Variants in IL12RB2 observed in about 807,000 individuals in gnomAD.
The protein encoded by IL12RB2 is interleukin-12 receptor subunit beta-2.
IL12RB2 carries 82 observed loss-of-function variants against 89.4 expected under a neutral mutation model. The ratio of observed to expected loss-of-function variants is 0.92; its 90% CI spans 0.77 to 1.10. The LOEUF is 1.10. IL12RB2 is among the 50% of genes least tolerant of loss of function. The pLI, the probability that IL12RB2 is intolerant of heterozygous loss-of-function variation, is 0.00. For missense variants in IL12RB2, 963 were observed against 1,031.9 expected (o/e 0.93, Z 0.92); for synonymous variants, 368 against 370.1 (o/e 0.99, Z 0.07).
intron 14 of IL12RB2, among the ~76,000 whole-genome samples, chr1:67,381,623 G>A (rs938467955): frequency 8.6e-5 from 13 of 152,014 alleles, no homozygotes; most frequent in South Asian, 2.1e-4. Context: ...AAAATTAGCC[G>A]GGCATGGTGG....
At chr1:67,314,404 T>A (rs1353118215) in intron 2 of IL12RB2, among the ~76,000 whole-genome samples, 1 of 152,210 alleles carries the variant, frequency 6.6e-6, no homozygotes, top group African/African-American at 2.4e-5. Context: ...AGTATTCTCA[T>A]GAATCCATGA....
chr1:67,370,021 G>GAAA (rs56153451), intron 11 of IL12RB2, among the ~76,000 whole-genome samples: 5 of 125,488 alleles, frequency 4.0e-5, no homozygotes, highest in Admixed American at 8.1e-5. Flanking sequence ...GACTCCATCT[G>GAAA]AAAAAAAAAA....
intron 11 of IL12RB2, among the ~76,000 whole-genome samples, chr1:67,370,555 T>C (rs568740464): frequency 6.6e-6 from 1 of 152,284 alleles, no homozygotes; most frequent in African/African-American, 2.4e-5. Flanking sequence ...ACCACCTAAG[T>C]GATGGTTTAT....
intron 5 of IL12RB2, 59 bp downstream of exon 5, chr1:67,326,908 A>G: frequency 7.6e-7 from 1 of 1,308,166 alleles, no homozygotes; most frequent in Non-Finnish European, 9.9e-7. Flanking sequence ...AATGACATTT[A>G]GAAATATCTG....
chr1:67,379,176 G>A lies in IL12RB2; in HGVS notation c.1718-810G>A, dbSNP rs944962704. On this transcript the variant is annotated intron_variant, in intron 13 of 16. Coordinates refer to ENST00000674203, the MANE Select transcript of IL12RB2 (RefSeq NM_001374259.2). ...CGTGCCACTGCACTCTAGCCTGGGC[G>A]ACAGAGCAAGACTCCATCTCAAAAA... Among the ~76,000 whole-genome samples the A allele has an allele frequency of 1.5e-4, 23 of 151,856 alleles. 1 individual carries two copies. Among genetic ancestry groups the A allele is most frequent in the African/African-American group, 3.4e-4 (14 of 41,388 alleles).
intron 1 of IL12RB2, among the ~76,000 whole-genome samples, chr1:67,313,226 G>C (rs191121961): frequency 8.5e-6 from 1 of 118,172 alleles, no homozygotes; most frequent in Admixed American, 8.0e-5. Flanking sequence ...CATCAGATAC[G>C]GTTACATATT....
At chr1:67,375,824 AC>A (rs1394136756) in intron 13 of IL12RB2, among the ~76,000 whole-genome samples, 3 of 150,898 alleles carry the variant, frequency 2.0e-5, no homozygotes, top group African/African-American at 7.3e-5. Flanking sequence ...CAGTAGAGCC[AC>A]GGCCAGCACA....
chr1:67,367,787 T>C (rs1469359194), intron 10 of IL12RB2, 38 bp from the exon 11 acceptor site: 1 of 1,186,420 alleles, frequency 8.4e-7, no homozygotes, highest in Non-Finnish European at 1.3e-6. Context: ...ATCCCTCCTC[T>C]TTTTTTATTT....
At position 67,351,172 on chromosome 1, in the gene IL12RB2, C is replaced by T. The variant is rs143440023; in HGVS notation, c.1258+83C>T. 9.3e-4 allele frequency: 1,463 copies of T among 1,565,796 alleles called. 7 individuals are homozygous for T. The highest frequency in any genetic ancestry group is 2.4e-3 in the South Asian group (204 of 85,640). On this transcript the variant is annotated intron_variant, in intron 10 of 16. Coordinates refer to ENST00000674203, the MANE Select transcript of IL12RB2 (RefSeq NM_001374259.2). ...TATCTCCTGCAGGCCCAACCCAGGACCTAAAATGAGTAGCTAGGAGTTCAG... is the reference window on the plus strand; with the variant it reads ...TATCTCCTGCAGGCCCAACCCAGGATCTAAAATGAGTAGCTAGGAGTTCAG...
chr1:67,358,796 TA>T (rs1041536244), intron 10 of IL12RB2, among the ~76,000 whole-genome samples: 2 of 152,092 alleles, frequency 1.3e-5, no homozygotes, highest in Non-Finnish European at 2.9e-5. Flanking sequence ...CTGTAAAAGC[TA>T]AAAAATTGGC....
rs1318315140 is a variant in IL12RB2 at position 67,395,976 on chromosome 1, C to A, written c.2476C>A (p.His826Asn). Residue 826 changes from histidine (H) to asparagine (N), a missense_variant, in exon 17 of 17, where the codon CAC becomes AAC. His to Asn is a moderately conservative substitution (Grantham distance 68, BLOSUM62 1). Coordinates refer to ENST00000674203, the MANE Select transcript of IL12RB2 (RefSeq NM_001374259.2). ...CTCTCTGGAAGAACTGGAGCCTCAG[C>A]ACATCTCCCTTTCTGTTTTCCCCTC... ...ADSLEELEPQ[H>N]ISLSVFPSSS... The A allele has an allele frequency of 6.2e-7, 1 of 1,604,432 alleles. No individual in the cohort carries two copies. The highest frequency in any genetic ancestry group is 1.1e-5 in the South Asian group (1 of 90,868).
At chr1:67,322,394 A>C (rs886420659) in intron 4 of IL12RB2, among the ~76,000 whole-genome samples, 1 of 150,492 alleles carries the variant, frequency 6.6e-6, no homozygotes, top group East Asian at 2.0e-4. Context: ...CATTGATCAT[A>C]CTTACTATCT....
intron 14 of IL12RB2, among the ~76,000 whole-genome samples, chr1:67,380,848 G>A (rs1664494850): frequency 6.6e-6 from 1 of 152,074 alleles, no homozygotes; most frequent in Non-Finnish European, 1.5e-5. Context: ...TGTCCAAATT[G>A]TCTCCTTCTT....
At chr1:67,344,745 G>A (rs957901339) in intron 9 of IL12RB2, among the ~76,000 whole-genome samples, 1 of 152,150 alleles carries the variant, frequency 6.6e-6, no homozygotes, top group African/African-American at 2.4e-5. Context: ...TGGGCACATT[G>A]GTTAAGACTT....
At chr1:67,374,120 T>C (rs1167630835) in intron 13 of IL12RB2, among the ~76,000 whole-genome samples, 2 of 152,252 alleles carry the variant, frequency 1.3e-5, no homozygotes, top group African/African-American at 4.8e-5. Context: ...AACATTCTGA[T>C]CTACACCTTG....
At chr1:67,373,404 C>T (rs993377130) in intron 13 of IL12RB2, among the ~76,000 whole-genome samples, 5 of 152,342 alleles carry the variant, frequency 3.3e-5, no homozygotes, top group Non-Finnish European at 7.3e-5. Context: ...GCCACAGCGC[C>T]CCGCCAATCC....
chr1:67,365,402 T>TA (rs951684415), intron 10 of IL12RB2, among the ~76,000 whole-genome samples: 4 of 151,218 alleles, frequency 2.6e-5, no homozygotes, highest in Non-Finnish European at 5.9e-5. Context: ...CCAGGTTAAC[T>TA]AAAAAAAAGA....
intron 10 of IL12RB2, among the ~76,000 whole-genome samples, chr1:67,360,480 GA>G (rs1661908887): frequency 6.6e-6 from 1 of 151,806 alleles, no homozygotes. Flanking sequence ...CAGTGGGAGG[GA>G]AAAAGGAACC....
chr1:67,362,671 C>T (rs1432597866), intron 10 of IL12RB2, among the ~76,000 whole-genome samples: 3 of 151,372 alleles, frequency 2.0e-5, no homozygotes, highest in African/African-American at 7.3e-5. Flanking sequence ...AAAAAAAGCC[C>T]ATCAACCTAG....
Sources: gnomAD v4.1 joint callset for allele counts (sites outside exome capture counted in the v4.1 genomes callset) on GRCh38, gnomAD v4.1.1 for gene constraint, MANE v1.5 for transcripts, NCBI Gene and HGNC (gene_info 2026-07-23, HGNC 2026-07-21) for gene names.